The following LRRC8C variants were observed in gnomAD, a reference collection of about 807,000 sequenced individuals.
The protein encoded by LRRC8C is volume-regulated anion channel subunit LRRC8C.
A neutral mutation model predicts 55.3 loss-of-function variants in LRRC8C; 20 were observed. That is an observed-to-expected ratio of 0.36 (90% confidence interval 0.25 to 0.53). The LOEUF (loss-of-function observed/expected upper bound fraction) is 0.53, where lower values mean the gene tolerates loss of function less well. Ranked by LOEUF, LRRC8C falls within the 20% of genes least tolerant of loss-of-function variation. The probability of loss-of-function intolerance (pLI) is 0.92; values close to 1 mark genes in which losing one functional copy is unlikely to be tolerated. For missense variants in LRRC8C, 659 were observed against 951.4 expected, an observed-to-expected ratio of 0.69 and a Z score of 4.04; for synonymous variants, 376 against 360.7, an observed-to-expected ratio of 1.04 and a Z score of -0.48.
rs1467125437 is a variant in LRRC8C, at chr1:89,646,470, G to T, written c.-5+13148G>T. On this transcript the variant is annotated intron_variant, in intron 1 of 2. Coordinates refer to ENST00000370454, the MANE Select transcript of LRRC8C (RefSeq NM_032270.5). ...GATTTAATCCCAAGAATGCAAGGTT[G>T]GTTTAACATTCAAAAATCAATCACT... Among the ~76,000 whole-genome samples, 2 of 151,956 alleles carry T rather than the reference G, an allele frequency of 1.3e-5. 1 individual carries two copies. The highest frequency in any genetic ancestry group is 4.1e-4 in the South Asian group (2 of 4,824).
At chr1:89,677,154 C>T (rs755872089) in intron 1 of LRRC8C, among the ~76,000 whole-genome samples, 1 of 152,148 alleles carries the variant, frequency 6.6e-6, no homozygotes, top group Non-Finnish European at 1.5e-5. Flanking sequence ...TTTGAGAGAA[C>T]TAAAATTGCT....
At chr1:89,705,783 A>G (rs542831407) in intron 2 of LRRC8C, among the ~76,000 whole-genome samples, 120 of 152,248 alleles carry the variant, frequency 7.9e-4, no homozygotes, top group African/African-American at 2.8e-3. Flanking sequence ...TGTCTCAAAA[A>G]TAAATAAATA....
intron 1 of LRRC8C, among the ~76,000 whole-genome samples, chr1:89,654,952 C>T (rs1557650292): frequency 6.7e-6 from 1 of 150,068 alleles, no homozygotes; most frequent in Non-Finnish European, 1.5e-5. Context: ...AAGTGATCCT[C>T]CTTCTTCAGC....
chr1:89,653,987 G>A (rs1570697879), intron 1 of LRRC8C, among the ~76,000 whole-genome samples: 1 of 152,226 alleles, frequency 6.6e-6, no homozygotes, highest in East Asian at 1.9e-4. Context: ...CAATCTAAGT[G>A]TCCATCAATG....
intron 2 of LRRC8C, among the ~76,000 whole-genome samples, chr1:89,703,736 C>A (rs1658396239): frequency 6.6e-6 from 1 of 151,680 alleles, no homozygotes; most frequent in African/African-American, 2.4e-5. Flanking sequence ...ATCTTCCTAA[C>A]CAGCTGAGAA....
At chr1:89,630,557 G>T (rs370498468), upstream of LRRC8C, among the ~76,000 whole-genome samples, 156 of 152,296 alleles carry the variant, frequency 1.0e-3, no homozygotes, top group African/African-American at 3.6e-3. Context: ...AAAGTGAAAG[G>T]TCAAGACAGA....
intron 2 of LRRC8C, among the ~76,000 whole-genome samples, chr1:89,711,792 G>A (rs528192253): frequency 6.6e-6 from 1 of 152,182 alleles, no homozygotes; most frequent in African/African-American, 2.4e-5. Flanking sequence ...TGTGTGTAAC[G>A]CTAGCAAATC....
At position 89,642,741 on chromosome 1, in the gene LRRC8C, G is replaced by A. The variant is rs565340810; in HGVS notation, c.-5+9419G>A. ...CACGCACCTGTAATCCCGGCTACGC[G>A]GGAGGCTGAGGCAGAGAATTGCTTA... On this transcript the variant is annotated intron_variant, in intron 1 of 2. Transcript: ENST00000370454. 5.5e-4 allele frequency among the ~76,000 whole-genome samples: 83 copies of A among 152,190 alleles called. 3 individuals carry two copies. In the South Asian group the frequency reaches 0.015, roughly 28 times the overall value.
intron 1 of LRRC8C, among the ~76,000 whole-genome samples, chr1:89,652,359 A>C (rs992811514): frequency 2.6e-5 from 4 of 152,200 alleles, no homozygotes; most frequent in African/African-American, 9.6e-5. Flanking sequence ...TCTGAGGAGC[A>C]ATTTTGCATC....
At chr1:89,640,899 A>G (rs1382400425) in intron 1 of LRRC8C, among the ~76,000 whole-genome samples, 2 of 152,220 alleles carry the variant, frequency 1.3e-5, no homozygotes, top group African/African-American at 4.8e-5. Context: ...AAATATATAA[A>G]ATTAAAGTGA....
At position 89,713,288 on chromosome 1, in the gene LRRC8C, G is replaced by T; in HGVS notation, c.718G>T (p.Ala240Ser). ...TAAAAAGGAAGGTGAGCAGGCTAAG[G>T]CCTTATTTGAGAAGGTGAAGAAGTT... ...LDKKEGEQAK[A>S]LFEKVKKFRL... Residue 240 changes from alanine (A) to serine (S), a missense_variant, in exon 3 of 3, where the codon GCC becomes TCC. This residue lies in a region of LRRC8C where 200 missense variants were observed against 360.5 expected (regional missense o/e 0.55). Transcript: ENST00000370454. The surrounding 1 kb of genome is among the most constrained non-coding windows in gnomAD (Gnocchi z 5.2). 1.9e-6 allele frequency: 3 copies of T among 1,614,208 alleles called. No individual in the cohort carries two copies. Among genetic ancestry groups the T allele is most frequent in the Non-Finnish European group, 2.5e-6 (3 of 1,180,030 alleles).
chr1:89,705,269 G>A (rs1437183504), intron 2 of LRRC8C, among the ~76,000 whole-genome samples: 2 of 108,908 alleles, frequency 1.8e-5, no homozygotes, highest in Non-Finnish European at 3.4e-5. Context: ...TCTGGGGACT[G>A]TTGTGGGGTG....
intron 1 of LRRC8C, among the ~76,000 whole-genome samples, chr1:89,638,138 A>G (rs143225567): frequency 2.7e-4 from 41 of 152,334 alleles, no homozygotes; most frequent in African/African-American, 9.9e-4. Context: ...GGAGAGCTAT[A>G]TGTTCTTTAA....
At chr1:89,670,399 C>T (rs538133341) in intron 1 of LRRC8C, among the ~76,000 whole-genome samples, 5 of 152,272 alleles carry the variant, frequency 3.3e-5, no homozygotes, top group Non-Finnish European at 5.9e-5. Flanking sequence ...GCCTGTTATA[C>T]CCTCATGCTG....
chr1:89,687,686 G>A (rs1657918432), intron 2 of LRRC8C, among the ~76,000 whole-genome samples: 2 of 152,196 alleles, frequency 1.3e-5, no homozygotes, highest in Admixed American at 1.3e-4. Flanking sequence ...CATGGACAAT[G>A]ATGGCAGCCA....
At chr1:89,685,309 G>T (rs950268214) in intron 1 of LRRC8C, among the ~76,000 whole-genome samples, 1 of 3,538 alleles carries the variant, frequency 2.8e-4, no homozygotes, top group East Asian at 0.1. Flanking sequence ...TAGTAGAGAC[G>T]GGGTTTCACG....
At chr1:89,703,254 G>GA (rs1357173040) in intron 2 of LRRC8C, among the ~76,000 whole-genome samples, 2 of 152,014 alleles carry the variant, frequency 1.3e-5, no homozygotes, top group Non-Finnish European at 2.9e-5. Context: ...CTTCTCATCA[G>GA]AAAAAATATA....
At chr1:89,631,422 T>C (rs1323165779), upstream of LRRC8C, among the ~76,000 whole-genome samples, 1 of 152,038 alleles carries the variant, frequency 6.6e-6, no homozygotes, top group Non-Finnish European at 1.5e-5. Context: ...GTGCCAACGG[T>C]ACAAAGATAG....
chr1:89,671,543 C>T (rs1657416195), intron 1 of LRRC8C, among the ~76,000 whole-genome samples: 2 of 152,078 alleles, frequency 1.3e-5, no homozygotes, highest in Admixed American at 6.5e-5. Context: ...CATGTTGCTG[C>T]GTGTGTTCAG....
Sources: gnomAD v4.1 joint callset for allele counts (sites outside exome capture counted in the v4.1 genomes callset) on GRCh38, gnomAD v4.1.1 for gene constraint, gnomAD v4.1.1 regional missense constraint, Gnocchi (gnomAD v3.1) non-coding constraint, MANE v1.5 for transcripts, NCBI Gene and HGNC (gene_info 2026-07-23, HGNC 2026-07-21) for gene names.